Variants in CTTNBP2 observed in about 807,000 individuals in gnomAD.
The protein encoded by CTTNBP2 is cortactin binding protein 2.
CTTNBP2 carries 108 observed loss-of-function variants against 156.9 expected under a neutral mutation model. The ratio of observed to expected loss-of-function variants is 0.69; its 90% CI spans 0.59 to 0.81. The LOEUF (loss-of-function observed/expected upper bound fraction) is 0.81, where lower values mean the gene tolerates loss of function less well. CTTNBP2 is among the 30% of genes least tolerant of loss of function. The probability of loss-of-function intolerance (pLI) is 0.00; values close to 1 mark genes in which losing one functional copy is unlikely to be tolerated. For synonymous variants in CTTNBP2, 767 were observed against 751.8 expected (o/e 1.02, Z -0.33); for missense variants, 1,924 against 2,035.4 (o/e 0.95, Z 1.05).
chr7:117,752,152 G>A (rs535082340), intron 12 of CTTNBP2, among the ~76,000 whole-genome samples: 33 of 152,166 alleles, frequency 2.2e-4, no homozygotes, highest in Non-Finnish European at 3.7e-4. Context: ...GGGAATGTAC[G>A]GAGAATAACT....
rs759668181 is a variant in CTTNBP2 at position 117,791,328 on chromosome 7, G to A, written c.1868C>T (p.Pro623Leu). The change falls in exon 4 of 23, where the codon CCT becomes CTT. Residue 623 changes from proline to leucine, a missense_variant. Pro to Leu is a moderately conservative substitution (Grantham distance 98). Transcript: ENST00000160373. Reference sequence around the variant, plus strand: ...CAGGGCTGAAACGGCACAGCCTGCAGGTGCCACAGTTAAATCTATGGATGG... The same window carrying A: ...CAGGGCTGAAACGGCACAGCCTGCAAGTGCCACAGTTAAATCTATGGATGG... ...PKPSIDLTVA[P>L]AGCAVSALAT... is the part of the protein sequence containing the mutation. 1.9e-6 allele frequency: 3 copies of A among 1,614,198 alleles called. No homozygotes were observed. Among genetic ancestry groups the A allele is most frequent in the Admixed American group, 3.3e-5 (2 of 60,036 alleles).
intron 9 of CTTNBP2, among the ~76,000 whole-genome samples, chr7:117,761,105 C>T (rs1015768516): frequency 1.3e-5 from 2 of 152,072 alleles, no homozygotes; most frequent in Admixed American, 1.3e-4. Flanking sequence ...TTGGACAGGT[C>T]GGGATGCTTA....
At chr7:117,746,319 A>T (rs1299730007) in intron 12 of CTTNBP2, among the ~76,000 whole-genome samples, 1 of 152,142 alleles carries the variant, frequency 6.6e-6, no homozygotes, top group African/African-American at 2.4e-5. Flanking sequence ...TTATAAAAAA[A>T]CACATTTTTT....
intron 22 of CTTNBP2, chr7:117,714,094 C>A (rs1423511176): frequency 6.6e-6 from 1 of 152,214 alleles, no homozygotes; most frequent in African/African-American, 2.4e-5. Context: ...CCTAGTCCAT[C>A]CTCGTCACCT....
intron 2 of CTTNBP2, among the ~76,000 whole-genome samples, chr7:117,825,152 G>C (rs577951715): frequency 6.6e-6 from 1 of 152,190 alleles, no homozygotes; most frequent in Non-Finnish European, 1.5e-5. Context: ...GAGTGAGAGA[G>C]AGTAAAGGCC....
At position 117,710,781 on chromosome 7, in the gene CTTNBP2, GA is replaced by G. The variant is rs1794014993; in HGVS notation, c.*755del. 6.7e-6 allele frequency: 1 copy of G among 149,130 alleles called. No individual in the cohort carries two copies. Among genetic ancestry groups the G allele is most frequent in the South Asian group, 2.1e-4 (1 of 4,676 alleles). The allele number at this position is 149,130 out of a possible 1,614,324, so 9.2% of individuals were successfully genotyped here. ...TATCAGTTGTGCTACTAGAAATATT[GA>G]AGGAGTTAATTCTGAATTTATTCAT... On this transcript the variant is annotated 3_prime_UTR_variant, in exon 23 of 23. Transcript: ENST00000160373.
At chr7:117,717,789 G>T (rs1001225739) in intron 22 of CTTNBP2, among the ~76,000 whole-genome samples, 1 of 149,134 alleles carries the variant, frequency 6.7e-6, no homozygotes. Context: ...CCAAAATTTT[G>T]GAATCAAATT....
intron 3 of CTTNBP2, among the ~76,000 whole-genome samples, chr7:117,800,825 A>G (rs1488146731): frequency 2.0e-5 from 3 of 152,152 alleles, no homozygotes; most frequent in African/African-American, 7.2e-5. Context: ...TATGATAAAT[A>G]TATGTAATTT....
chr7:117,788,500 G>A (rs1230651830), intron 4 of CTTNBP2, among the ~76,000 whole-genome samples: 1 of 152,194 alleles, frequency 6.6e-6, no homozygotes, highest in Non-Finnish European at 1.5e-5. Flanking sequence ...TGTTTGGAAG[G>A]TTAATCCCCT....
At chr7:117,836,529 C>G (rs1370161658) in intron 2 of CTTNBP2, among the ~76,000 whole-genome samples, 2 of 152,186 alleles carry the variant, frequency 1.3e-5, no homozygotes, top group Admixed American at 6.5e-5. Context: ...CGCCACTGCA[C>G]TCCAGCCTGG....
rs1358396173 is a variant in CTTNBP2 at position 117,760,356 on chromosome 7, T to A, written c.3172+79A>T. Reference sequence around the variant, plus strand: ...CTTTGAATGTGCTTAATCAATGAACTAAGAATCAGGTTATGAAACCCACAA... The same window carrying A: ...CTTTGAATGTGCTTAATCAATGAACAAAGAATCAGGTTATGAAACCCACAA... On this transcript the variant is annotated intron_variant, in intron 10 of 22. Coordinates refer to ENST00000160373, the MANE Select transcript of CTTNBP2 (RefSeq NM_033427.3). 2.1e-6 allele frequency: 3 copies of A among 1,411,284 alleles called. No individual in the cohort carries two copies. The African/African-American group carries it at 4.3e-5, about 20-fold the overall frequency. 87.4% of individuals were successfully genotyped at this position (1,411,284 alleles called of 1,614,324 possible). A position where few individuals can be genotyped will look rare whatever the true frequency, so the allele number is the denominator to read the frequency against.
intron 3 of CTTNBP2, among the ~76,000 whole-genome samples, chr7:117,802,324 T>C (rs1264259631): frequency 1.3e-5 from 2 of 150,662 alleles, no homozygotes; most frequent in Non-Finnish European, 3.0e-5. Flanking sequence ...CCCACACCTT[T>C]CAACATATAC....
At chr7:117,728,040 T>C (rs756165548) in intron 17 of CTTNBP2, 49 bp downstream of exon 17, 5 of 1,530,466 alleles carry the variant, frequency 3.3e-6, no homozygotes, top group Admixed American at 1.8e-5. Context: ...ACATCTGAAT[T>C]GGCCACGTCT....
chr7:117,803,125 A>C (rs1213533218), intron 3 of CTTNBP2, among the ~76,000 whole-genome samples: 1 of 152,156 alleles, frequency 6.6e-6, no homozygotes, highest in East Asian at 1.9e-4. Flanking sequence ...ACATGGAATC[A>C]ACCTAGGTGC....
intron 3 of CTTNBP2, among the ~76,000 whole-genome samples, chr7:117,805,657 A>G (rs1413368603): frequency 6.6e-6 from 1 of 152,194 alleles, no homozygotes; most frequent in Non-Finnish European, 1.5e-5. Flanking sequence ...TGTCATTATC[A>G]CCATCAAGAG....
At chr7:117,854,716 T>C (rs765435659) in intron 2 of CTTNBP2, among the ~76,000 whole-genome samples, 26 of 152,212 alleles carry the variant, frequency 1.7e-4, no homozygotes, top group Non-Finnish European at 1.6e-4. Flanking sequence ...CACTGCATCA[T>C]TATGCAACGT....
chr7:117,783,183 G>A (rs1798524183), intron 5 of CTTNBP2, among the ~76,000 whole-genome samples: 1 of 151,926 alleles, frequency 6.6e-6, no homozygotes, highest in African/African-American at 2.4e-5. Context: ...TAAGATGCGT[G>A]TGTGTGTGTG....
chr7:117,864,417 T>G (rs1803970560), intron 1 of CTTNBP2, among the ~76,000 whole-genome samples: 1 of 151,936 alleles, frequency 6.6e-6, no homozygotes, highest in Non-Finnish European at 1.5e-5. Context: ...TTCCTGGCCT[T>G]CCATAGTACA....
chr7:117,777,695 T>C lies in CTTNBP2; in HGVS notation c.2594A>G (p.His865Arg), dbSNP rs771060764. Residue 865 changes from histidine to arginine, a missense_variant, in exon 8 of 23, where the codon CAT becomes CGT. Physicochemically the swap from His to Arg is conservative, Grantham distance 29. Coordinates refer to ENST00000160373, the MANE Select transcript of CTTNBP2 (RefSeq NM_033427.3). ...AGAATTTCCATGAGCTGGTATTCTA[T>C]GGTACATAAGAAGCTTGAGGCTGTC... is the stretch of plus-strand genomic sequence containing the variant. The part of the protein sequence containing the change: ...NVDSLKLLMY[H>R]RIPAHGNSFN... The C allele has an allele frequency of 1.2e-5, 20 of 1,614,078 alleles. No homozygotes were observed. The highest frequency in any genetic ancestry group is 3.3e-5 in the South Asian group (3 of 91,084).
Sources: gnomAD v4.1 joint callset for allele counts (sites outside exome capture counted in the v4.1 genomes callset) on GRCh38, gnomAD v4.1.1 for gene constraint, MANE v1.5 for transcripts, NCBI Gene and HGNC (gene_info 2026-07-23, HGNC 2026-07-21) for gene names.